The following AHCYL2 variants were observed in gnomAD, a reference collection of about 807,000 sequenced individuals.
The protein encoded by AHCYL2 is S-adenosylhomocysteine hydrolase-like protein 2.
In AHCYL2, 28 loss-of-function variants were observed where a neutral mutation model predicts 81.4. That is an observed-to-expected ratio of 0.34 (90% CI 0.25 to 0.47). The LOEUF is 0.47. Among genes scored for constraint, AHCYL2 ranks in the 20% least tolerant of loss-of-function variants. The probability of loss-of-function intolerance (pLI) is 1.00; values close to 1 mark genes in which losing one functional copy is unlikely to be tolerated. For synonymous variants in AHCYL2, 272 were observed against 290.2 expected, an observed-to-expected ratio of 0.94 and a Z score of 0.64; for missense variants, 551 against 785.1, an observed-to-expected ratio of 0.70 and a Z score of 3.56.
At chr7:129,325,905 A>G (rs936789026) in intron 1 of AHCYL2, among the ~76,000 whole-genome samples, 11 of 151,920 alleles carry the variant, frequency 7.2e-5, no homozygotes, top group Admixed American at 1.3e-4. Context: ...GGATTTCACC[A>G]TGTTGGCTAG....
intron 1 of AHCYL2, among the ~76,000 whole-genome samples, chr7:129,303,229 C>T (rs1797312660): frequency 6.6e-6 from 1 of 152,144 alleles, no homozygotes; most frequent in Non-Finnish European, 1.5e-5. Context: ...GAACTCCCAA[C>T]CTCAGGTGAT....
intron 12 of AHCYL2, among the ~76,000 whole-genome samples, chr7:129,420,248 C>T (rs1797051249): frequency 6.6e-6 from 1 of 152,132 alleles, no homozygotes; most frequent in South Asian, 2.1e-4. Context: ...GGTTTTAGCT[C>T]TTAGCTCCCA....
In AHCYL2 at chr7:129,335,682, A is replaced by G. The variant is rs187471011; in HGVS notation, c.364-43956A>G. Among the ~76,000 whole-genome samples the G allele has an allele frequency of 2.8e-3, 432 of 152,312 alleles. 4 individuals carry two copies. Among genetic ancestry groups the G allele is most frequent in the African/African-American group, 9.8e-3 (407 of 41,562 alleles). Reference sequence around the variant, plus strand: ...ACATGGCTGGCAGTTGATTTTGGCCATCAGTCAGAGTGTCTGCATGTAGTC... The same window carrying G: ...ACATGGCTGGCAGTTGATTTTGGCCGTCAGTCAGAGTGTCTGCATGTAGTC... On this transcript the variant is annotated intron_variant, in intron 1 of 16. Transcript: ENST00000325006.
In AHCYL2 at chr7:129,427,001, T is replaced by C; in HGVS notation, c.1830-38T>C. The C allele has an allele frequency of 6.2e-7, 1 of 1,606,366 alleles. No individual in the cohort carries two copies. The highest frequency in any genetic ancestry group is 2.2e-5 in the East Asian group (1 of 44,842). Reference sequence around the variant, plus strand: ...TTCATGTCCCAGCATCCCCATTAGCTGATAACATCACAGTCTCATCTTTCT... The same window carrying C: ...TTCATGTCCCAGCATCCCCATTAGCCGATAACATCACAGTCTCATCTTTCT... On this transcript the variant is annotated intron_variant, in intron 16 of 16. Transcript: ENST00000325006. This position sits in a 1 kb window ranked among gnomAD's most constrained non-coding sequence, Gnocchi z 5.5.
intron 11 of AHCYL2, 69 bp downstream of exon 11, chr7:129,409,615 G>C (rs1385691621): frequency 7.4e-6 from 10 of 1,351,308 alleles, no homozygotes; most frequent in Non-Finnish European, 1.0e-5. Context: ...CAAGATGATT[G>C]GAAATATTCT....
At chr7:129,225,548 C>T in intron 1 of AHCYL2, 109 bp downstream of exon 1, 1 of 1,387,226 alleles carries the variant, frequency 7.2e-7, no homozygotes, top group South Asian at 1.6e-5. Context: ...GATCGCAGGA[C>T]CGGAGATACC....
intron 1 of AHCYL2, among the ~76,000 whole-genome samples, chr7:129,354,423 A>G (rs1793669012): frequency 6.6e-6 from 1 of 152,228 alleles, no homozygotes; most frequent in Non-Finnish European, 1.5e-5. Context: ...TTGAGAAAGT[A>G]TAGAACATTA....
chr7:129,369,894 C>T (rs1216438474), intron 1 of AHCYL2, among the ~76,000 whole-genome samples: 1 of 152,120 alleles, frequency 6.6e-6, no homozygotes, highest in Non-Finnish European at 1.5e-5. Context: ...AAAACCTATC[C>T]ATCTACAAGC....
rs822040 is a variant in AHCYL2 at position 129,426,081 on chromosome 7, G to C, written c.1709-362G>C. On this transcript the variant is annotated intron_variant, in intron 15 of 16. Coordinates refer to ENST00000325006, the MANE Select transcript of AHCYL2 (RefSeq NM_015328.4). This position sits in a 1 kb window ranked among gnomAD's most constrained non-coding sequence, Gnocchi z 4.3. Reference sequence around the variant, plus strand: ...CATTAGTTGTTTTAAATGACCCAAAGTATGGAGTCCAAGGCAAAACTCAAG... The same window carrying C: ...CATTAGTTGTTTTAAATGACCCAAACTATGGAGTCCAAGGCAAAACTCAAG... 0.32 allele frequency among the ~76,000 whole-genome samples: 49,001 copies of C among 152,084 alleles called. 8,326 individuals carry two copies. Among genetic ancestry groups the C allele is most frequent in the African/African-American group, 0.43 (17,937 of 41,468 alleles).
At chr7:129,375,902 TG>T (rs1470232306) in intron 1 of AHCYL2, 22 of 1,536,026 alleles carry the variant, frequency 1.4e-5, no homozygotes, top group Non-Finnish European at 1.9e-5. Context: ...ACATTGTTAA[TG>T]GCAACTCTGG....
intron 12 of AHCYL2, among the ~76,000 whole-genome samples, chr7:129,417,986 G>A (rs140394155): frequency 6.6e-6 from 1 of 152,178 alleles, no homozygotes; most frequent in African/African-American, 2.4e-5. Flanking sequence ...TCTTTGAGGA[G>A]ATAACACTTT....
intron 1 of AHCYL2, among the ~76,000 whole-genome samples, chr7:129,373,722 T>C (rs1432994149): frequency 6.6e-6 from 1 of 152,212 alleles, no homozygotes; most frequent in Non-Finnish European, 1.5e-5. Context: ...GCTCAAGTTA[T>C]CTGACTTAAG....
chr7:129,401,009 G>A (rs993460000), intron 6 of AHCYL2, among the ~76,000 whole-genome samples: 2 of 151,950 alleles, frequency 1.3e-5, no homozygotes, highest in African/African-American at 4.8e-5. Context: ...AAGCCTCATA[G>A]CACATTAGAT....
chr7:129,248,366 C>G (rs1023512328), intron 1 of AHCYL2, among the ~76,000 whole-genome samples: 2 of 152,198 alleles, frequency 1.3e-5, no homozygotes, highest in African/African-American at 4.8e-5. Flanking sequence ...TGCATATAAC[C>G]TGTGCATATC....
At chr7:129,229,061 CT>C (rs59291148) in intron 1 of AHCYL2, among the ~76,000 whole-genome samples, 6 of 144,758 alleles carry the variant, frequency 4.1e-5, no homozygotes, top group African/African-American at 1.6e-4. Context: ...AATAATTAGC[CT>C]TTTTTTTTTT....
At chr7:129,404,175 C>G (rs1265693445) in intron 7 of AHCYL2, among the ~76,000 whole-genome samples, 1 of 151,870 alleles carries the variant, frequency 6.6e-6, no homozygotes, top group Non-Finnish European at 1.5e-5. Context: ...GCTCTAGATG[C>G]TAGGAATCTA....
intron 1 of AHCYL2, among the ~76,000 whole-genome samples, chr7:129,294,787 C>G (rs949133629): frequency 6.6e-6 from 1 of 152,144 alleles, no homozygotes; most frequent in African/African-American, 2.4e-5. Flanking sequence ...ACTATAACTT[C>G]ATAAATTAGA....
At chr7:129,306,218 T>G (rs753818925) in intron 1 of AHCYL2, among the ~76,000 whole-genome samples, 14 of 152,170 alleles carry the variant, frequency 9.2e-5, no homozygotes, top group Non-Finnish European at 2.9e-5. Flanking sequence ...GGCCAATAAC[T>G]CTTATATTTG....
At chr7:129,237,623 G>A (rs546197871) in intron 1 of AHCYL2, among the ~76,000 whole-genome samples, 68 of 151,786 alleles carry the variant, frequency 4.5e-4, no homozygotes, top group African/African-American at 1.5e-3. Context: ...ATGATATCTC[G>A]GATACATGTC....
Sources: gnomAD v4.1 joint callset for allele counts (sites outside exome capture counted in the v4.1 genomes callset) on GRCh38, gnomAD v4.1.1 for gene constraint, Gnocchi (gnomAD v3.1) non-coding constraint, MANE v1.5 for transcripts, NCBI Gene and HGNC (gene_info 2026-07-23, HGNC 2026-07-21) for gene names.